The following STAC variants were observed in gnomAD, a reference collection of about 807,000 sequenced individuals.
STAC encodes the protein SH3 and cysteine-rich domain-containing protein.
In STAC, 43 loss-of-function variants were observed where a neutral mutation model predicts 48.8. The observed-to-expected ratio is 0.88, with a 90% CI of 0.69 to 1.14. The LOEUF (loss-of-function observed/expected upper bound fraction) is 1.14. STAC is among the 50% of genes most tolerant of loss of function. The pLI is 0.00. For missense variants in STAC, 497 were observed against 504.0 expected (o/e 0.99, Z 0.13); for synonymous variants, 193 against 179.5 (o/e 1.07, Z -0.60).
At chr3:36,464,133 C>G (rs973683984) in intron 2 of STAC, among the ~76,000 whole-genome samples, 3 of 152,162 alleles carry the variant, frequency 2.0e-5, no homozygotes, top group African/African-American at 7.2e-5. Flanking sequence ...ACAGTCCCAC[C>G]AACAGTGTAA....
chr3:36,478,866 G>T (rs1697564774), intron 2 of STAC, among the ~76,000 whole-genome samples: 1 of 152,082 alleles, frequency 6.6e-6, no homozygotes, highest in Non-Finnish European at 1.5e-5. Flanking sequence ...CAAACTCCTG[G>T]CCTCCACCCA....
Position 36,546,272 on chromosome 3 carries a change from G to A in STAC, c.1192G>A (p.Val398Ile), listed in dbSNP as rs1699443908. 3 of 1,613,876 alleles carry A rather than the reference G, an allele frequency of 1.9e-6. No homozygotes were observed. The highest frequency in any genetic ancestry group is 1.7e-6 in the Non-Finnish European group (2 of 1,179,888). The change falls in exon 11 of 11, where the codon GTA becomes ATA. Residue 398 changes from valine (V) to isoleucine (I), a missense_variant. Physicochemically the swap from Val to Ile is conservative, Grantham distance 29. Transcript: ENST00000273183. ...AAAGAAAGGCCTCATCCCCCTTGAT[G>A]TACTAGAAAACATCTGATTGCTGGC... ...GKKKGLIPLD[V>I]LENI
chr3:36,461,078 C>A (rs1188696028), intron 2 of STAC, among the ~76,000 whole-genome samples: 1 of 151,756 alleles, frequency 6.6e-6, no homozygotes, highest in Non-Finnish European at 1.5e-5. Flanking sequence ...TGGTGTGTGC[C>A]CTGCTAGACT....
chr3:36,452,371 G>A (rs1044129830), intron 2 of STAC, among the ~76,000 whole-genome samples: 1 of 152,038 alleles, frequency 6.6e-6, no homozygotes, highest in Admixed American at 6.6e-5. Context: ...TTATGGCATT[G>A]TCTAAAGGGG....
chr3:36,452,395 T>A (rs1005684932), intron 2 of STAC, among the ~76,000 whole-genome samples: 9 of 152,116 alleles, frequency 5.9e-5, no homozygotes, highest in African/African-American at 2.2e-4. Context: ...AGGAGACAGG[T>A]TGTGTAATGC....
At chr3:36,439,357 A>T (rs1029904052) in intron 1 of STAC, among the ~76,000 whole-genome samples, 2 of 152,052 alleles carry the variant, frequency 1.3e-5, no homozygotes, top group Non-Finnish European at 2.9e-5. Flanking sequence ...CCATCCACTT[A>T]TATCCTGTGG....
At chr3:36,468,097 T>C (rs1697227221) in intron 2 of STAC, among the ~76,000 whole-genome samples, 1 of 152,154 alleles carries the variant, frequency 6.6e-6, no homozygotes, top group African/African-American at 2.4e-5. Context: ...TTGATTTCAT[T>C]GTTGACCCAA....
At chr3:36,394,833 G>A (rs553461592) in intron 1 of STAC, among the ~76,000 whole-genome samples, 116 of 151,520 alleles carry the variant, frequency 7.7e-4, no homozygotes, top group Non-Finnish European at 1.4e-3. Flanking sequence ...GGAGGCGGAG[G>A]TTGCATGCCA....
chr3:36,501,116 T>A (rs752413358), intron 6 of STAC, among the ~76,000 whole-genome samples: 12 of 151,906 alleles, frequency 7.9e-5, no homozygotes, highest in Non-Finnish European at 1.6e-4. Context: ...AACAAAATCA[T>A]ATGTTAAAGG....
At chr3:36,433,638 T>C (rs549941239) in intron 1 of STAC, among the ~76,000 whole-genome samples, 3 of 152,354 alleles carry the variant, frequency 2.0e-5, no homozygotes, top group African/African-American at 7.2e-5. Context: ...AATTAGATCT[T>C]AGACTTCCTA....
intron 2 of STAC, 118 bp from the exon 3 acceptor site, chr3:36,482,874 C>T (rs1697690870): frequency 3.0e-6 from 2 of 658,318 alleles, no homozygotes; most frequent in Non-Finnish European, 5.3e-6. Context: ...ATTTTGAAAG[C>T]TTCATGAAAA....
At position 36,493,498 on chromosome 3, in the gene STAC, A is replaced by C. The variant is rs116193127; in HGVS notation, c.766+269A>C. 8.3e-3 allele frequency among the ~76,000 whole-genome samples: 1,260 copies of C among 151,324 alleles called. 17 individuals carry two copies. The highest frequency in any genetic ancestry group is 0.029 in the African/African-American group (1,178 of 41,200). Reference sequence around the variant, plus strand: ...AGAGTATATATACATATATATATATATAAACTGAGCTGTATTGGGGTTTAA... The same window carrying C: ...AGAGTATATATACATATATATATATCTAAACTGAGCTGTATTGGGGTTTAA... On this transcript the variant is annotated intron_variant, in intron 6 of 10. Coordinates refer to ENST00000273183, the MANE Select transcript of STAC (RefSeq NM_003149.3).
In STAC at chr3:36,547,488, T is replaced by C. The variant is rs2125509333; in HGVS notation, c.*1199T>C. 6.5e-6 allele frequency: 1 copy of C among 152,782 alleles called. No homozygotes were observed. Among genetic ancestry groups the C allele is most frequent in the South Asian group, 2.1e-4 (1 of 4,834 alleles). 9.5% of individuals were successfully genotyped at this position (152,782 alleles called of 1,614,324 possible). A position where few individuals can be genotyped will look rare whatever the true frequency, so the allele number is the denominator to read the frequency against. On this transcript the variant is annotated 3_prime_UTR_variant, in exon 11 of 11. Coordinates refer to ENST00000273183, the MANE Select transcript of STAC (RefSeq NM_003149.3). ...TAATGTTTACAAGAATGCAATATACTGTGATGCCTTCCTACTCAAGCCTCC... is the reference window on the plus strand; with the variant it reads ...TAATGTTTACAAGAATGCAATATACCGTGATGCCTTCCTACTCAAGCCTCC...
At chr3:36,434,961 A>G (rs1391362332) in intron 1 of STAC, among the ~76,000 whole-genome samples, 2 of 152,256 alleles carry the variant, frequency 1.3e-5, no homozygotes, top group East Asian at 3.8e-4. Flanking sequence ...CTAAGAGCAC[A>G]TCAAGGGTGG....
chr3:36,384,936 T>A (rs972656265), intron 1 of STAC, among the ~76,000 whole-genome samples: 1 of 152,158 alleles, frequency 6.6e-6, no homozygotes, highest in East Asian at 1.9e-4. Flanking sequence ...GCCCAGCATA[T>A]CTCATACATA....
chr3:36,470,382 A>G (rs1697297255), intron 2 of STAC, among the ~76,000 whole-genome samples: 1 of 152,240 alleles, frequency 6.6e-6, no homozygotes, highest in Non-Finnish European at 1.5e-5. Flanking sequence ...CCAAGCTGGT[A>G]CTGGGGAGTA....
chr3:36,528,639 A>T (rs1254714492), intron 8 of STAC, 57 bp from the exon 9 acceptor site: 10 of 1,383,886 alleles, frequency 7.2e-6, no homozygotes, highest in Non-Finnish European at 8.9e-6. Flanking sequence ...CCTGACTTTA[A>T]AGTATGTTAT....
At chr3:36,530,877 C>T (rs752865088) in intron 10 of STAC, among the ~76,000 whole-genome samples, 62 of 152,182 alleles carry the variant, frequency 4.1e-4, no homozygotes, top group African/African-American at 1.4e-3. Flanking sequence ...GGATTACAGG[C>T]GTGAGCCACT....
chr3:36,382,935 G>A (rs2125608971), intron 1 of STAC, among the ~76,000 whole-genome samples: 1 of 152,244 alleles, frequency 6.6e-6, no homozygotes, highest in East Asian at 1.9e-4. Context: ...AATATCTTGT[G>A]GGACAAACAT....
Sources: allele counts gnomAD v4.1 joint callset (sites outside exome capture counted in the v4.1 genomes callset), GRCh38; gene constraint gnomAD v4.1.1; transcripts MANE v1.5; gene names NCBI Gene and HGNC (gene_info 2026-07-23, HGNC 2026-07-21).